The following NEGR1 variants were observed in gnomAD, a reference collection of about 807,000 sequenced individuals.
NEGR1 encodes IgLON family member 4.
In NEGR1, 10 loss-of-function variants were observed where a neutral mutation model predicts 40.9. That is an observed-to-expected ratio of 0.24 (90% CI 0.15 to 0.42). The LOEUF (loss-of-function observed/expected upper bound fraction) is 0.42. Among genes scored for constraint, NEGR1 ranks in the 10% least tolerant of loss-of-function variants. NEGR1 has a pLI of 1.00. For synonymous variants in NEGR1, 185 were observed against 166.8 expected (o/e 1.11, Z -0.84); for missense variants, 352 against 438.9 (o/e 0.80, Z 1.77).
chr1:72,198,853 ATTTC>A (rs1653096329), intron 1 of NEGR1, among the ~76,000 whole-genome samples: 1 of 151,888 alleles, frequency 6.6e-6, no homozygotes, highest in African/African-American at 2.4e-5. Context: ...TTTTTACTTT[ATTTC>A]TTTAATTGAC....
chr1:71,565,991 T>C (rs1289130462), intron 6 of NEGR1, among the ~76,000 whole-genome samples: 2 of 151,694 alleles, frequency 1.3e-5, no homozygotes, highest in African/African-American at 2.4e-5. Flanking sequence ...GAGACGGAGA[T>C]TGGAGTTATG....
intron 1 of NEGR1, among the ~76,000 whole-genome samples, chr1:72,081,209 C>A (rs984660762): frequency 6.6e-6 from 1 of 152,116 alleles, no homozygotes; most frequent in East Asian, 1.9e-4. Context: ...GTTCTAAATT[C>A]AGTACATCCT....
At chr1:71,622,811 G>A (rs774612318) in intron 4 of NEGR1, among the ~76,000 whole-genome samples, 25 of 151,942 alleles carry the variant, frequency 1.6e-4, no homozygotes, top group African/African-American at 5.5e-4. Context: ...ACTGGATCAT[G>A]TTTCCTTCTG....
chr1:71,442,987 C>T (rs1171024087), intron 6 of NEGR1, among the ~76,000 whole-genome samples: 1 of 152,116 alleles, frequency 6.6e-6, no homozygotes, highest in Non-Finnish European at 1.5e-5. Context: ...TCAGGCTCAG[C>T]CAGTGGTGGA....
chr1:72,006,280 A>T (rs1236491791), intron 1 of NEGR1, among the ~76,000 whole-genome samples: 1 of 152,186 alleles, frequency 6.6e-6, no homozygotes, highest in African/African-American at 2.4e-5. Context: ...AGAATGTGTT[A>T]AAATGACATG....
intron 1 of NEGR1, among the ~76,000 whole-genome samples, chr1:72,013,267 TCTTCTGTTCTGTGA>T (rs1299090236): frequency 6.6e-6 from 1 of 152,070 alleles, no homozygotes; most frequent in Non-Finnish European, 1.5e-5. Context: ...CATTCCTCAC[TCTTCTGTTCTGTGA>T]TAGATAATGA....
intron 1 of NEGR1, among the ~76,000 whole-genome samples, chr1:72,134,380 A>G (rs1205733414): frequency 1.3e-5 from 2 of 151,570 alleles, no homozygotes; most frequent in African/African-American, 2.4e-5. Flanking sequence ...AATGTTTTGT[A>G]TTTTTAGTAG....
At chr1:72,094,208 C>G (rs1648610296) in intron 1 of NEGR1, among the ~76,000 whole-genome samples, 1 of 151,798 alleles carries the variant, frequency 6.6e-6, no homozygotes, top group Admixed American at 6.6e-5. Flanking sequence ...CCTAATTGCA[C>G]AATTAGAAAA....
chr1:72,168,006 T>TTATTA (rs5775108), intron 1 of NEGR1, among the ~76,000 whole-genome samples: 3,486 of 129,538 alleles, frequency 0.027, 123 homozygotes, highest in African/African-American at 0.092. Flanking sequence ...ATTATTATTA[T>TTATTA]TTTTTTTTTT....
At chr1:72,037,468 G>A (rs61767492) in intron 1 of NEGR1, among the ~76,000 whole-genome samples, 5,186 of 152,146 alleles carry the variant, frequency 0.034, 135 homozygotes, top group Middle Eastern at 0.051. Context: ...GGAAATAAAC[G>A]TGGGCAATTA....
intron 2 of NEGR1, among the ~76,000 whole-genome samples, chr1:71,804,851 A>C (rs1657695798): frequency 6.6e-6 from 1 of 152,206 alleles, no homozygotes; most frequent in South Asian, 2.1e-4. Flanking sequence ...TAAGGGAACA[A>C]GAGAGATAAC....
chr1:71,613,541 G>A (rs774832154), intron 4 of NEGR1, among the ~76,000 whole-genome samples: 12 of 151,858 alleles, frequency 7.9e-5, no homozygotes, highest in Admixed American at 2.6e-4. Flanking sequence ...CAGCTGAAGC[G>A]GGAGGCTTGG....
At position 71,530,635 on chromosome 1, in the gene NEGR1, A is replaced by G. The variant is rs1647330533; in HGVS notation, c.940+62182T>C. Among the ~76,000 whole-genome samples, 6 of 151,314 alleles carry G rather than the reference A, an allele frequency of 4.0e-5. No homozygotes were observed. In the South Asian group the frequency reaches 1.0e-3, roughly 26 times the overall value. On this transcript the variant is annotated intron_variant, in intron 6 of 6. Transcript: ENST00000357731. The stretch of plus-strand genomic sequence containing the variant: ...CTACAATAATCATTTCTAAAAGTTT[A>G]TATTATCTTTTTTTAAAGACTGTGG...
At chr1:72,218,761 T>C (rs1425110764) in intron 1 of NEGR1, among the ~76,000 whole-genome samples, 1 of 151,982 alleles carries the variant, frequency 6.6e-6, no homozygotes, top group Non-Finnish European at 1.5e-5. Context: ...AGAAGCTTAG[T>C]AGTGGGTAAG....
intron 3 of NEGR1, among the ~76,000 whole-genome samples, chr1:71,714,909 C>A (rs1036162902): frequency 6.6e-6 from 1 of 152,202 alleles, no homozygotes; most frequent in Non-Finnish European, 1.5e-5. Context: ...CCAACAGCTA[C>A]ATTAGGCAGG....
intron 4 of NEGR1, among the ~76,000 whole-genome samples, chr1:71,692,908 G>T (rs983928201): frequency 6.6e-6 from 1 of 151,684 alleles, no homozygotes; most frequent in Non-Finnish European, 1.5e-5. Flanking sequence ...TACTAAAAAC[G>T]TGTGTACAAA....
At chr1:71,424,926 T>G (rs777713771) in intron 6 of NEGR1, among the ~76,000 whole-genome samples, 4 of 152,210 alleles carry the variant, frequency 2.6e-5, no homozygotes, top group Non-Finnish European at 4.4e-5. Flanking sequence ...GAAAACCTAG[T>G]TAAGTCATAT....
chr1:72,225,719 A>G (rs1654170675), intron 1 of NEGR1, among the ~76,000 whole-genome samples: 1 of 151,580 alleles, frequency 6.6e-6, no homozygotes, highest in African/African-American at 2.4e-5. Flanking sequence ...TAGATAATCT[A>G]TCCTGATAAA....
chr1:71,595,732 G>A (rs560928596), intron 5 of NEGR1, among the ~76,000 whole-genome samples: 1 of 152,096 alleles, frequency 6.6e-6, no homozygotes, highest in African/African-American at 2.4e-5. Flanking sequence ...TACAACAGAA[G>A]GGTATTTTGG....
Sources: allele counts gnomAD v4.1 joint callset (sites outside exome capture counted in the v4.1 genomes callset), GRCh38; gene constraint gnomAD v4.1.1; transcripts MANE v1.5; gene names NCBI Gene and HGNC (gene_info 2026-07-23, HGNC 2026-07-21).